Variants in TMEM74 observed in about 807,000 individuals in gnomAD.
TMEM74 encodes the protein transmembrane protein 74.
In TMEM74, 13 loss-of-function variants were observed where a neutral mutation model predicts 18.1. That is an observed-to-expected ratio of 0.72 (90% confidence interval 0.47 to 1.14). TMEM74 has a LOEUF of 1.14. Among genes scored for constraint, TMEM74 ranks in the 50% most tolerant of loss-of-function variants. The pLI, the probability that TMEM74 is intolerant of heterozygous loss-of-function variation, is 0.00. For synonymous variants in TMEM74, 159 were observed against 146.6 expected (o/e 1.08, Z -0.61); for missense variants, 372 against 375.9 (o/e 0.99, Z 0.09).
At chr8:108,622,353 C>T (rs2130544212) in intron 2 of TMEM74, among the ~76,000 whole-genome samples, 1 of 152,160 alleles carries the variant, frequency 6.6e-6, no homozygotes, top group East Asian at 1.9e-4. Context: ...GAGACAGATT[C>T]AAAGAGTTGA....
intron 1 of TMEM74, among the ~76,000 whole-genome samples, chr8:108,730,114 C>T (rs948058625): frequency 8.5e-5 from 13 of 152,272 alleles, no homozygotes; most frequent in African/African-American, 2.6e-4. Flanking sequence ...AAAAGGAAAA[C>T]ATTTCAGGGT....
chr8:108,755,667 T>C (rs1813952438), intron 1 of TMEM74, among the ~76,000 whole-genome samples: 1 of 152,090 alleles, frequency 6.6e-6, no homozygotes, highest in African/African-American at 2.4e-5. Context: ...TTTTTAATGA[T>C]GTTTAAGAAA....
At chr8:108,742,995 C>T (rs1176951873) in intron 1 of TMEM74, among the ~76,000 whole-genome samples, 1 of 152,138 alleles carries the variant, frequency 6.6e-6, no homozygotes. Flanking sequence ...TTTTTGCATT[C>T]AGCACAAGTG....
At chr8:108,635,837 A>C (rs1417024646) in intron 2 of TMEM74, among the ~76,000 whole-genome samples, 1 of 152,024 alleles carries the variant, frequency 6.6e-6, no homozygotes. Flanking sequence ...CTTTAATGAC[A>C]CTTAATCTCA....
chr8:108,766,310 T>C (rs1018390325), intron 1 of TMEM74, among the ~76,000 whole-genome samples: 10 of 152,046 alleles, frequency 6.6e-5, no homozygotes, highest in Admixed American at 1.3e-4. Context: ...TTGGATCTTA[T>C]GGGTTCATGG....
At chr8:108,685,360 A>G (rs529835622) in intron 1 of TMEM74, among the ~76,000 whole-genome samples, 49 of 152,184 alleles carry the variant, frequency 3.2e-4, no homozygotes, top group African/African-American at 1.1e-3. Context: ...AAGTTTTTCT[A>G]TATGTAAGAT....
intron 1 of TMEM74, among the ~76,000 whole-genome samples, chr8:108,752,950 T>G (rs986689353): frequency 2.0e-5 from 3 of 152,088 alleles, no homozygotes; most frequent in African/African-American, 7.2e-5. Flanking sequence ...TTAGTGTCAC[T>G]AAAAATTTGT....
intron 1 of TMEM74, among the ~76,000 whole-genome samples, chr8:108,701,046 C>A (rs914042579): frequency 3.3e-5 from 5 of 151,988 alleles, no homozygotes; most frequent in Non-Finnish European, 7.4e-5. Flanking sequence ...ACACCTTGAC[C>A]AAGTGGGATT....
At chr8:108,690,380 T>C in intron 1 of TMEM74, among the ~76,000 whole-genome samples, 1 of 142,610 alleles carries the variant, frequency 7.0e-6, no homozygotes, top group African/African-American at 2.6e-5. Flanking sequence ...ATACTGTTTT[T>C]TTTTGTTTGT....
At chr8:108,766,200 T>TTTCC (rs150712271) in intron 1 of TMEM74, among the ~76,000 whole-genome samples, 7,031 of 151,634 alleles carry the variant, frequency 0.046, 383 homozygotes, top group African/African-American at 0.13. Flanking sequence ...TTATTTCTCC[T>TTTCC]TTCCTTCCTT....
intron 1 of TMEM74, among the ~76,000 whole-genome samples, chr8:108,675,419 C>T (rs1813047171): frequency 6.6e-6 from 1 of 152,192 alleles, no homozygotes. Context: ...CCTTGATCAG[C>T]TGCCATGGTA....
At chr8:108,739,210 T>C (rs971961848) in intron 1 of TMEM74, among the ~76,000 whole-genome samples, 1 of 152,236 alleles carries the variant, frequency 6.6e-6, no homozygotes, top group Non-Finnish European at 1.5e-5. Flanking sequence ...TGCAGCCAAA[T>C]GCAATCCTTA....
At chr8:108,608,621 T>C (rs73316173) in intron 3 of TMEM74, 133 of 152,346 alleles carry the variant, frequency 8.7e-4, no homozygotes, top group African/African-American at 2.5e-3. Context: ...GAGGTCAAAA[T>C]AGGCTACTTC....
intron 1 of TMEM74, among the ~76,000 whole-genome samples, chr8:108,658,335 T>A (rs544556371): frequency 6.6e-6 from 1 of 152,218 alleles, no homozygotes; most frequent in African/African-American, 2.4e-5. Context: ...CATTGGCATA[T>A]ACACAGGATT....
At chr8:108,699,659 A>C (rs969578489) in intron 1 of TMEM74, among the ~76,000 whole-genome samples, 1 of 152,196 alleles carries the variant, frequency 6.6e-6, no homozygotes, top group African/African-American at 2.4e-5. Flanking sequence ...AGCCTGGGTG[A>C]CTTAATCAAC....
intron 1 of TMEM74, among the ~76,000 whole-genome samples, chr8:108,661,511 G>C (rs147085935): frequency 6.7e-6 from 1 of 149,846 alleles, no homozygotes; most frequent in African/African-American, 2.4e-5. Context: ...AATGGAAATT[G>C]GCATGGATCA....
chr8:108,744,122 C>G (rs1311303939), intron 1 of TMEM74, among the ~76,000 whole-genome samples: 1 of 152,134 alleles, frequency 6.6e-6, no homozygotes, highest in Non-Finnish European at 1.5e-5. Context: ...ATTCAGGGCT[C>G]ACAGCATCAA....
At chr8:108,729,088 A>T (rs1237067422) in intron 1 of TMEM74, among the ~76,000 whole-genome samples, 1 of 152,228 alleles carries the variant, frequency 6.6e-6, no homozygotes, top group Non-Finnish European at 1.5e-5. Flanking sequence ...AAAATCTGAT[A>T]CATGTTTCAA....
intron 1 of TMEM74, among the ~76,000 whole-genome samples, chr8:108,678,188 C>T (rs1813073271): frequency 6.6e-6 from 1 of 152,058 alleles, no homozygotes; most frequent in South Asian, 2.1e-4. Flanking sequence ...CTTTTAATCA[C>T]ACAGGAGAAA....
Sources: gnomAD v4.1 joint callset for allele counts (sites outside exome capture counted in the v4.1 genomes callset) on GRCh38, gnomAD v4.1.1 for gene constraint, MANE v1.5 for transcripts, NCBI Gene and HGNC (gene_info 2026-07-23, HGNC 2026-07-21) for gene names.